The following SLC25A43 variants were observed in gnomAD, a reference collection of about 807,000 sequenced individuals.
SLC25A43 encodes the protein solute carrier family 25 member 43, also known as solute carrier family 25, member 43.
Under a neutral mutation model 22.8 loss-of-function variants are expected in SLC25A43, and 10 were observed. The ratio of observed to expected loss-of-function variants is 0.44; its 90% CI spans 0.27 to 0.74. The LOEUF (loss-of-function observed/expected upper bound fraction) is 0.74, where lower values mean the gene tolerates loss of function less well. Among genes scored for constraint, SLC25A43 ranks in the 30% least tolerant of loss-of-function variants. The probability of loss-of-function intolerance (pLI) is 0.17; values close to 1 mark genes in which losing one functional copy is unlikely to be tolerated. For synonymous variants in SLC25A43, 106 were observed against 121.6 expected, an observed-to-expected ratio of 0.87 and a Z score of 0.84; for missense variants, 233 against 279.1, an observed-to-expected ratio of 0.83 and a Z score of 1.18.
At chrX:119,447,551 T>TC (rs1207419032) in intron 3 of SLC25A43, among the ~76,000 whole-genome samples, 1 of 109,158 alleles carries the variant, frequency 9.2e-6, no homozygotes. Flanking sequence ...CAAGCAATCC[T>TC]CCCCCTATGG....
chrX:119,410,099 T>G, intron 2 of SLC25A43, 91 bp from the exon 3 acceptor site: 8 of 1,044,544 alleles, frequency 7.7e-6, no homozygotes, highest in Non-Finnish European at 1.0e-5. Flanking sequence ...CCCCTCCTGT[T>G]TTCTTTCCCC....
chrX:119,405,595 C>CAA (rs56389948), intron 1 of SLC25A43, among the ~76,000 whole-genome samples: 815 of 51,122 alleles, frequency 0.016, 105 homozygotes, highest in Non-Finnish European at 0.022. Flanking sequence ...CCTATCTCTA[C>CAA]AAAAAAAAAA....
At chrX:119,404,516 C>T (rs770695291) in intron 1 of SLC25A43, among the ~76,000 whole-genome samples, 3 of 111,904 alleles carry the variant, frequency 2.7e-5, no homozygotes, top group African/African-American at 6.5e-5. Context: ...TCCCTGGGCA[C>T]GCCACCCTTC....
At position 119,416,892 on chromosome X, in the gene SLC25A43, TA is replaced by T. The variant is rs773710111; in HGVS notation, c.690+6536del. Among the ~76,000 whole-genome samples, 5 of 112,512 alleles carry T rather than the reference TA, an allele frequency of 4.4e-5. No homozygotes were observed. In the East Asian group the frequency reaches 1.4e-3, roughly 31 times the overall value. ...AAACAAACAAAAAAATAGTTTCTCT[TA>T]AAAAATCTGGGGAGAAGTAGGGTAG... On this transcript the variant is annotated intron_variant, in intron 3 of 4. Coordinates refer to ENST00000217909, the MANE Select transcript of SLC25A43 (RefSeq NM_145305.3).
In SLC25A43 at chrX:119,399,427, C is replaced by A. The variant is rs1349156201; in HGVS notation, c.24C>A (p.Gly8=). 9 of 1,021,098 alleles carry A rather than the reference C, an allele frequency of 8.8e-6. No homozygotes were observed. Among genetic ancestry groups the A allele is most frequent in the Non-Finnish European group, 1.1e-5 (9 of 804,062 alleles). 84.1% of individuals were successfully genotyped at this position (1,021,098 alleles called of 1,213,427 possible). ...CGATGGCTACGTGGAGGCGGGACGG[C>A]CGACTGACAGGCGGCCAAAGGCTGC... MATWRRD[G]RLTGGQRLLC... The change falls in exon 1 of 5, where the codon GGC becomes GGA. Residue 8 remains glycine (G), a synonymous_variant. Coordinates refer to ENST00000217909, the MANE Select transcript of SLC25A43 (RefSeq NM_145305.3).
At chrX:119,424,854 C>G (rs980439786) in intron 3 of SLC25A43, among the ~76,000 whole-genome samples, 4 of 112,648 alleles carry the variant, frequency 3.6e-5, no homozygotes, top group African/African-American at 1.3e-4. Context: ...GAAGGGGGAG[C>G]TAGCTTTCTT....
chrX:119,427,089 C>T (rs2052512956), intron 3 of SLC25A43, among the ~76,000 whole-genome samples: 1 of 110,947 alleles, frequency 9.0e-6, no homozygotes, highest in African/African-American at 3.3e-5. Flanking sequence ...CCTTCACCCT[C>T]CCCACCCTAT....
rs1225368335 is a variant in SLC25A43 at position 119,452,916 on chromosome X, A to G, written c.877A>G (p.Ile293Val). The G allele has an allele frequency of 2.5e-6, 3 of 1,209,821 alleles. No homozygotes were observed. The highest frequency in any genetic ancestry group is 2.2e-5 in the Admixed American group (1 of 45,680). The change falls in exon 5 of 5, where the codon ATC becomes GTC. Residue 293 changes from isoleucine (I) to valine (V), a missense_variant. Ile to Val is a conservative substitution (Grantham distance 29). Coordinates refer to ENST00000217909, the MANE Select transcript of SLC25A43 (RefSeq NM_145305.3). ...MFSTFEFCKR[I>V]CLYQNGYILS... is the part of the protein sequence containing the mutation. ...TAGCACCTTTGAGTTCTGCAAGAGAATCTGTCTTTATCAAAATGGTTACAT... is the reference window on the plus strand; with the variant it reads ...TAGCACCTTTGAGTTCTGCAAGAGAGTCTGTCTTTATCAAAATGGTTACAT...
intron 3 of SLC25A43, among the ~76,000 whole-genome samples, chrX:119,414,058 G>A (rs1353139323): frequency 2.7e-5 from 3 of 111,931 alleles, no homozygotes; most frequent in Non-Finnish European, 5.6e-5. Flanking sequence ...CAGTGGCTCA[G>A]CTTCTAAACT....
At chrX:119,444,718 AAG>A (rs200700662) in intron 3 of SLC25A43, among the ~76,000 whole-genome samples, 2 of 102,760 alleles carry the variant, frequency 1.9e-5, no homozygotes, top group Non-Finnish European at 2.0e-5. Flanking sequence ...AAAAAAAAAA[AAG>A]AAGAAATTGA....
Position 119,399,468 on chromosome X carries a change from C to T in SLC25A43, c.65C>T (p.Ala22Val). ...CAAAGGCTGCTGTGCGCTGGGCTGG[C>T]GGGGACGCTCAGCCTCAGCCTCACC... ...GGQRLLCAGL[A>V]GTLSLSLTAP... The change falls in exon 1 of 5, where the codon GCG becomes GTG. Residue 22 changes from alanine to valine, a missense_variant. Coordinates refer to ENST00000217909, the MANE Select transcript of SLC25A43 (RefSeq NM_145305.3). 9.4e-7 allele frequency: 1 copy of T among 1,060,662 alleles called. No individual in the cohort carries two copies. Among genetic ancestry groups the T allele is most frequent in the Non-Finnish European group, 1.2e-6 (1 of 823,875 alleles). 87.4% of individuals were successfully genotyped at this position (1,060,662 alleles called of 1,213,427 possible). A position where few individuals can be genotyped will look rare whatever the true frequency, so the allele number is the denominator to read the frequency against.
intron 3 of SLC25A43, among the ~76,000 whole-genome samples, chrX:119,410,660 G>A (rs1357514154): frequency 9.0e-6 from 1 of 111,255 alleles, no homozygotes; most frequent in Non-Finnish European, 1.9e-5. Flanking sequence ...GGGCGGAGGC[G>A]GGTGGATCAC....
intron 3 of SLC25A43, among the ~76,000 whole-genome samples, chrX:119,419,173 T>C (rs1196728594): frequency 2.7e-5 from 3 of 111,543 alleles, no homozygotes; most frequent in African/African-American, 6.5e-5. Flanking sequence ...TGGCAGGCCT[T>C]CTGAAAGGAT....
At chrX:119,409,429 C>T (rs1246142210) in intron 2 of SLC25A43, among the ~76,000 whole-genome samples, 1 of 107,865 alleles carries the variant, frequency 9.3e-6, no homozygotes, top group African/African-American at 3.4e-5. Context: ...TGGTCTCGAA[C>T]CCCTGACTTC....
chrX:119,430,185 T>G (rs182915448), intron 3 of SLC25A43, among the ~76,000 whole-genome samples: 1 of 111,852 alleles, frequency 8.9e-6, no homozygotes, highest in South Asian at 3.7e-4. Context: ...AAGATACAGT[T>G]TGGATGAATG....
At position 119,406,505 on chromosome X, in the gene SLC25A43, G is replaced by T. The variant is rs2052297581; in HGVS notation, c.321G>T (p.Trp107Cys). Residue 107 changes from tryptophan to cysteine, a missense_variant, in exon 2 of 5, where the codon TGG becomes TGT. Physicochemically the swap from Trp to Cys is radical, Grantham distance 215. Coordinates refer to ENST00000217909, the MANE Select transcript of SLC25A43 (RefSeq NM_145305.3). ...ATGACCTGGGCCACATTTCCCAGTG[G>T]AGCTCCATCATGGCTGGGAGTCTCG... ...FTDDLGHISQ[W>C]SSIMAGSLAG... 8.3e-7 allele frequency: 1 copy of T among 1,209,321 alleles called. No homozygotes were observed. The highest frequency in any genetic ancestry group is 2.2e-5 in the Admixed American group (1 of 45,712).
In SLC25A43 at chrX:119,452,014, G is replaced by C; in HGVS notation, c.696G>C (p.Gln232His). ...CAGCTTCTGTTTCCTGTCAGGCTCAGAGCCCCTACCTCCCACACAGTGGAG... is the reference window on the plus strand; with the variant it reads ...CAGCTTCTGTTTCCTGTCAGGCTCACAGCCCCTACCTCCCACACAGTGGAG... ...FETVKRKMQA[Q>H]SPYLPHSGGV... Residue 232 changes from glutamine to histidine, a missense_variant, in exon 4 of 5, where the codon CAG becomes CAC. Transcript: ENST00000217909. The C allele has an allele frequency of 2.5e-6, 3 of 1,211,002 alleles. No individual in the cohort carries two copies. Among genetic ancestry groups the C allele is most frequent in the Non-Finnish European group, 3.4e-6 (3 of 895,188 alleles).
intron 3 of SLC25A43, among the ~76,000 whole-genome samples, chrX:119,418,087 G>T (rs2052421139): frequency 9.0e-6 from 1 of 111,156 alleles, no homozygotes; most frequent in African/African-American, 3.3e-5. Flanking sequence ...GGAGCCTGAA[G>T]TTCGGTGATC....
At chrX:119,407,653 C>G (rs774655743) in intron 2 of SLC25A43, among the ~76,000 whole-genome samples, 1 of 110,968 alleles carries the variant, frequency 9.0e-6, no homozygotes, top group African/African-American at 3.3e-5. Context: ...CTGACTGACA[C>G]CAATTCCCAA....
Sources: allele counts gnomAD v4.1 joint callset (sites outside exome capture counted in the v4.1 genomes callset), GRCh38; gene constraint gnomAD v4.1.1; transcripts MANE v1.5; gene names NCBI Gene and HGNC (gene_info 2026-07-23, HGNC 2026-07-21).